Variants in CRTAM observed in about 807,000 individuals in gnomAD.
CRTAM encodes the protein cytotoxic and regulatory T cell molecule.
A neutral mutation model predicts 50.0 loss-of-function variants in CRTAM; 44 were observed. The observed-to-expected ratio is 0.88, with a 90% CI of 0.69 to 1.13. The LOEUF (loss-of-function observed/expected upper bound fraction) is 1.13. Ranked by LOEUF, CRTAM falls within the 50% of genes most tolerant of loss-of-function variation. CRTAM has a pLI of 0.00. For missense variants in CRTAM, 448 were observed against 457.5 expected, an observed-to-expected ratio of 0.98 and a Z score of 0.19; for synonymous variants, 159 against 169.3, an observed-to-expected ratio of 0.94 and a Z score of 0.47.
chr11:122,861,386 G>GTATATATATATATA (rs71057304), intron 5 of CRTAM, among the ~76,000 whole-genome samples: 3 of 41,830 alleles, frequency 7.2e-5, no homozygotes, highest in African/African-American at 1.9e-4. Flanking sequence ...ATACATATAC[G>GTATATATATATATA]TATATATATA....
chr11:122,839,120 G>C (rs892731534), intron 1 of CRTAM, among the ~76,000 whole-genome samples: 5 of 152,036 alleles, frequency 3.3e-5, no homozygotes, highest in Non-Finnish European at 7.4e-5. Flanking sequence ...TTTTAGTAGA[G>C]ACGGGGTTTC....
intron 1 of CRTAM, among the ~76,000 whole-genome samples, chr11:122,840,376 A>G (rs532446558): frequency 2.0e-5 from 3 of 152,300 alleles, no homozygotes; most frequent in East Asian, 3.9e-4. Context: ...ACCAGCCTAT[A>G]AAGCACATAG....
chr11:122,858,505 C>T (rs538955123), intron 5 of CRTAM, among the ~76,000 whole-genome samples: 2 of 152,244 alleles, frequency 1.3e-5, no homozygotes, highest in East Asian at 3.9e-4. Flanking sequence ...GTTGGGATTA[C>T]AAGCATGAAC....
At chr11:122,854,709 T>C (rs1306635085) in intron 4 of CRTAM, among the ~76,000 whole-genome samples, 3 of 151,720 alleles carry the variant, frequency 2.0e-5, no homozygotes, top group Non-Finnish European at 2.9e-5. Context: ...ATAAACTTTT[T>C]CCCAGATATA....
intron 8 of CRTAM, 58 bp from the exon 9 acceptor site, chr11:122,867,955 T>C (rs1862200656): frequency 3.9e-6 from 4 of 1,025,170 alleles, no homozygotes; most frequent in Admixed American, 3.6e-5. Context: ...TATTCAAATA[T>C]ACATTTCTAC....
At chr11:122,855,431 G>C (rs1016066058) in intron 4 of CRTAM, among the ~76,000 whole-genome samples, 2 of 152,108 alleles carry the variant, frequency 1.3e-5, no homozygotes, top group African/African-American at 4.8e-5. Flanking sequence ...TTGGATCTTT[G>C]TGTTTCATAA....
At position 122,851,912 on chromosome 11, in the gene CRTAM, A is replaced by G. The variant is rs2135237670; in HGVS notation, c.346+67A>G. 3 of 1,462,830 alleles carry G rather than the reference A, an allele frequency of 2.1e-6. No individual in the cohort carries two copies. In the South Asian group the frequency reaches 3.7e-5, roughly 18 times the overall value. 90.6% of individuals were successfully genotyped at this position (1,462,830 alleles called of 1,614,324 possible). A position where few individuals can be genotyped will look rare whatever the true frequency, so the allele number is the denominator to read the frequency against. Reference sequence around the variant, plus strand: ...TAGGAACACGATATGTCGTTTTTAAACTGAACCTTTTAGTTTAAAAATGTT... The same window carrying G: ...TAGGAACACGATATGTCGTTTTTAAGCTGAACCTTTTAGTTTAAAAATGTT... On this transcript the variant is annotated intron_variant, in intron 3 of 9. Transcript: ENST00000227348.
At chr11:122,857,863 G>C (rs574392861) in intron 5 of CRTAM, among the ~76,000 whole-genome samples, 18 of 152,164 alleles carry the variant, frequency 1.2e-4, no homozygotes, top group Non-Finnish European at 2.5e-4. Context: ...TCGAGAAAGA[G>C]AGTAGAGCAA....
chr11:122,847,829 C>T (rs1861884353), intron 1 of CRTAM, among the ~76,000 whole-genome samples: 1 of 152,126 alleles, frequency 6.6e-6, no homozygotes, highest in African/African-American at 2.4e-5. Flanking sequence ...ATTATTTGAC[C>T]TTATGCTATG....
intron 3 of CRTAM, among the ~76,000 whole-genome samples, chr11:122,852,553 C>T (rs2135238235): frequency 6.6e-6 from 1 of 152,250 alleles, no homozygotes; most frequent in South Asian, 2.1e-4. Flanking sequence ...TAGACTTCTC[C>T]TGTTGAATTA....
chr11:122,856,482 G>A (rs1862009470), intron 5 of CRTAM, among the ~76,000 whole-genome samples: 1 of 152,164 alleles, frequency 6.6e-6, no homozygotes, highest in African/African-American at 2.4e-5. Context: ...ACAACTCTTT[G>A]AGCCAAGAGG....
At chr11:122,856,838 G>A (rs1862012980) in intron 5 of CRTAM, among the ~76,000 whole-genome samples, 2 of 152,124 alleles carry the variant, frequency 1.3e-5, no homozygotes, top group South Asian at 4.1e-4. Context: ...CATTGCAGAA[G>A]CTGCACTGTA....
At position 122,861,410 on chromosome 11, in the gene CRTAM, ATATATATATATTTTTTTTTTT is replaced by A. The variant is rs1387778488; in HGVS notation, c.653-1052_653-1032del. Among the ~76,000 whole-genome samples the A allele has an allele frequency of 1.3e-3, 33 of 26,066 alleles. No homozygotes were observed. The South Asian group carries it at 0.057, about 45-fold the overall frequency. The allele number at this position is 26,066 out of a possible 152,430, so 17.1% of individuals were successfully genotyped here. A position where few individuals can be genotyped will look rare whatever the true frequency, so the allele number is the denominator to read the frequency against. On this transcript the variant is annotated intron_variant, in intron 5 of 9. Transcript: ENST00000227348. Reference sequence around the variant, plus strand: ...CGTATATATATATATATATATATATATATATATATATTTTTTTTTTTTTTTTTTTTTTTTTTTTTTGAGAGG... The same window carrying A: ...CGTATATATATATATATATATATATATTTTTTTTTTTTTTTTTTTGAGAGG...
chr11:122,852,773 C>T (rs952241427), intron 3 of CRTAM, among the ~76,000 whole-genome samples: 5 of 152,208 alleles, frequency 3.3e-5, no homozygotes, highest in Non-Finnish European at 7.3e-5. Context: ...AACACATAAT[C>T]TTTTCATTAA....
In CRTAM at chr11:122,854,019, C is replaced by G. The variant is rs138206970; in HGVS notation, c.423C>G (p.Cys141Trp). Residue 141 changes from cysteine (C) to tryptophan (W), a missense_variant, in exon 4 of 10, where the codon TGC becomes TGG. Transcript: ENST00000227348. ...GAGAAGAACATGTTGTACTCATGTGCTCCACCATGAGAAGCAAGCCCCCTC... is the reference window on the plus strand; with the variant it reads ...GAGAAGAACATGTTGTACTCATGTGGTCCACCATGAGAAGCAAGCCCCCTC... Reference protein sequence around the residue: ...QNGEEHVVLMCSTMRSKPPPQ... With the variant: ...QNGEEHVVLMWSTMRSKPPPQ... 8.7e-6 allele frequency: 14 copies of G among 1,614,006 alleles called. No individual in the cohort carries two copies. The African/African-American group carries it at 1.5e-4, about 17-fold the overall frequency.
intron 5 of CRTAM, among the ~76,000 whole-genome samples, chr11:122,860,092 G>T (rs184040802): frequency 6.6e-6 from 1 of 152,200 alleles, no homozygotes; most frequent in African/African-American, 2.4e-5. Context: ...TTGTCGTTCA[G>T]ACTGGAGTGC....
intron 1 of CRTAM, among the ~76,000 whole-genome samples, chr11:122,846,712 G>A (rs1861868451): frequency 6.6e-6 from 1 of 152,052 alleles, no homozygotes; most frequent in Non-Finnish European, 1.5e-5. Flanking sequence ...TACACCTTTG[G>A]TTGGAATCTA....
At chr11:122,851,046 T>C (rs1565288822) in intron 2 of CRTAM, among the ~76,000 whole-genome samples, 1 of 152,158 alleles carries the variant, frequency 6.6e-6, no homozygotes, top group Non-Finnish European at 1.5e-5. Context: ...CCGATCATTT[T>C]GAAGTCAGGA....
At chr11:122,860,878 G>A (rs1862062576) in intron 5 of CRTAM, among the ~76,000 whole-genome samples, 1 of 152,026 alleles carries the variant, frequency 6.6e-6, no homozygotes, top group African/African-American at 2.4e-5. Context: ...CTATTTTTTT[G>A]TAGAGATGGG....
Sources: allele counts gnomAD v4.1 joint callset (sites outside exome capture counted in the v4.1 genomes callset), GRCh38; gene constraint gnomAD v4.1.1; transcripts MANE v1.5; gene names NCBI Gene and HGNC (gene_info 2026-07-23, HGNC 2026-07-21).